ITGAL: variants seen among roughly 807,000 people sequenced by gnomAD.
The protein encoded by ITGAL is integrin subunit alpha L.
In ITGAL, 68 loss-of-function variants were observed where a neutral mutation model predicts 138.4. That is an observed-to-expected ratio of 0.49 (90% CI 0.40 to 0.60). The LOEUF (loss-of-function observed/expected upper bound fraction) is 0.60, where lower values mean the gene tolerates loss of function less well. Among genes scored for constraint, ITGAL ranks in the 20% least tolerant of loss-of-function variants. ITGAL has a pLI of 0.00. For missense variants in ITGAL, 1,256 were observed against 1,478.6 expected (o/e 0.85, Z 2.47); for synonymous variants, 561 against 584.3 (o/e 0.96, Z 0.57).
intron 22 of ITGAL, 122 bp downstream of exon 22, chr16:30,510,593 A>G: frequency 3.0e-6 from 2 of 663,656 alleles, no homozygotes; most frequent in Non-Finnish European, 5.4e-6. Context: ...CCTTGCCCCT[A>G]CCTAAGAGAA....
chr16:30,506,262 T>TTA (rs768200358), intron 20 of ITGAL, among the ~76,000 whole-genome samples: 1 of 111,356 alleles, frequency 9.0e-6, no homozygotes, highest in Non-Finnish European at 1.8e-5. Context: ...TCTGTCTCAA[T>TTA]AAAAAAAAAA....
intron 21 of ITGAL, among the ~76,000 whole-genome samples, chr16:30,508,989 C>T (rs2051048697): frequency 6.6e-6 from 1 of 152,004 alleles, no homozygotes; most frequent in Non-Finnish European, 1.5e-5. Context: ...CCAGACGGGG[C>T]AACATGGTGA....
At chr16:30,504,692 C>T (rs1305762763) in intron 18 of ITGAL, among the ~76,000 whole-genome samples, 1 of 147,944 alleles carries the variant, frequency 6.8e-6, no homozygotes, top group Non-Finnish European at 1.5e-5. Flanking sequence ...TAGGCAACAG[C>T]ACGAAACCCT....
chr16:30,506,939 G>A (rs982419270), intron 21 of ITGAL, 83 bp downstream of exon 21: 5 of 1,503,936 alleles, frequency 3.3e-6, no homozygotes, highest in Non-Finnish European at 4.6e-6. Context: ...AGCCAGGACA[G>A]CCTGAACACA....
intron 18 of ITGAL, 79 bp downstream of exon 18, chr16:30,504,343 A>G (rs2050951358): frequency 2.8e-6 from 3 of 1,068,612 alleles, no homozygotes; most frequent in Non-Finnish European, 4.4e-6. Context: ...ATGGCCGGGC[A>G]GCACACTCCT....
At chr16:30,497,973 A>G (rs1353542073) in intron 15 of ITGAL, among the ~76,000 whole-genome samples, 1 of 151,502 alleles carries the variant, frequency 6.6e-6, no homozygotes, top group African/African-American at 2.4e-5. Context: ...GGCCGGATGC[A>G]ATGACTCATG....
Position 30,494,743 on chromosome 16 carries a change from G to A in ITGAL, c.1396G>A (p.Gly466Ser). The A allele has an allele frequency of 6.2e-7, 1 of 1,612,706 alleles. No individual in the cohort carries two copies. Among genetic ancestry groups the A allele is most frequent in the Non-Finnish European group, 8.5e-7 (1 of 1,179,184 alleles). Residue 466 changes from glycine (G) to serine (S), a missense_variant, in exon 13 of 31, where the codon GGC becomes AGC. Around this residue, in one of 3 missense-constraint regions of ITGAL, gnomAD observed 867 missense variants for 972.5 expected, o/e 0.89. Transcript: ENST00000356798. This position sits in a 1 kb window ranked among gnomAD's most constrained non-coding sequence, Gnocchi z 4.2. ...CTCTTATTTCGGTGGGGAGCTGTGT[G>A]GCGTCGACGTGGACCAAGATGGGGA... ...IGSYFGGELC[G>S]VDVDQDGETE...
chr16:30,494,179 T>A lies in ITGAL; in HGVS notation c.1214-33T>A. 1 of 1,546,356 alleles carries A rather than the reference T, an allele frequency of 6.5e-7. No homozygotes were observed. Among genetic ancestry groups the A allele is most frequent in the Non-Finnish European group, 8.8e-7 (1 of 1,134,794 alleles). The stretch of plus-strand genomic sequence containing the variant: ...CTGGGTGTTCTTCCAGCATCCTGTG[T>A]TCCTAACTCCACACCCCACACACTT... On this transcript the variant is annotated intron_variant, in intron 11 of 30. Transcript: ENST00000356798. This position sits in a 1 kb window ranked among gnomAD's most constrained non-coding sequence, Gnocchi z 4.2.
chr16:30,521,810 T>A lies in ITGAL; in HGVS notation c.*145T>A. On this transcript the variant is annotated 3_prime_UTR_variant, in exon 31 of 31. Coordinates refer to ENST00000356798, the MANE Select transcript of ITGAL (RefSeq NM_002209.3). Reference sequence around the variant, plus strand: ...AGTTTCCCTATCTCGAACATGGAACTCATTCCTGCCTGTCTCCTTTGCAGG... The same window carrying A: ...AGTTTCCCTATCTCGAACATGGAACACATTCCTGCCTGTCTCCTTTGCAGG... 2.6e-6 allele frequency: 2 copies of A among 757,360 alleles called. No homozygotes were observed. The highest frequency in any genetic ancestry group is 4.2e-6 in the Non-Finnish European group (2 of 481,474). The allele number at this position is 757,360 out of a possible 1,614,324, so 46.9% of individuals were successfully genotyped here.
Position 30,505,251 on chromosome 16 carries a change from A to G in ITGAL, c.2243A>G (p.Lys748Arg). Residue 748 changes from lysine to arginine, a missense_variant, in exon 19 of 31, where the codon AAG (lysine) becomes AGG (arginine). Physicochemically the swap from Lys to Arg is conservative, Grantham distance 26 (BLOSUM62 2). Transcript: ENST00000356798. ...CCACTACCCCTCGCTCAGCAGGGCA[A>G]GGACATACCGCCCATCCTGAGACCC... Reference protein sequence around the residue: ...GTPRDQRAQGKDIPPILRPSL... With the variant: ...GTPRDQRAQGRDIPPILRPSL... 1 of 1,607,802 alleles carries G rather than the reference A, an allele frequency of 6.2e-7. No homozygotes were observed. The highest frequency in any genetic ancestry group is 1.1e-5 in the South Asian group (1 of 90,734).
chr16:30,500,766 A>G (rs1284010351), intron 17 of ITGAL, among the ~76,000 whole-genome samples: 1 of 152,092 alleles, frequency 6.6e-6, no homozygotes, highest in African/African-American at 2.4e-5. Context: ...GCACTTTGGG[A>G]GGCCAAGGTG....
chr16:30,497,938 T>C (rs927431924), intron 15 of ITGAL, among the ~76,000 whole-genome samples: 3 of 149,238 alleles, frequency 2.0e-5, no homozygotes, highest in Admixed American at 1.3e-4. Flanking sequence ...CAGAGTGAGA[T>C]CCTACCACAA....
chr16:30,507,679 G>T (rs1003606173), intron 21 of ITGAL, among the ~76,000 whole-genome samples: 4 of 150,922 alleles, frequency 2.7e-5, no homozygotes, highest in South Asian at 4.2e-4. Flanking sequence ...TAGAGAGAGG[G>T]TCTCACTATG....
intron 15 of ITGAL, among the ~76,000 whole-genome samples, chr16:30,498,020 G>A (rs1459726523): frequency 6.6e-6 from 1 of 151,800 alleles, no homozygotes; most frequent in South Asian, 2.1e-4. Flanking sequence ...GAGGTGGGTG[G>A]ATCATTTGAG....
chr16:30,500,972 C>A (rs1297356131), intron 17 of ITGAL, among the ~76,000 whole-genome samples: 1 of 151,560 alleles, frequency 6.6e-6, no homozygotes, highest in East Asian at 2.0e-4. Flanking sequence ...CCATTGCACT[C>A]CAGCCTGGGC....
At chr16:30,478,583 A>G (rs2151143288) in intron 4 of ITGAL, among the ~76,000 whole-genome samples, 1 of 150,732 alleles carries the variant, frequency 6.6e-6, no homozygotes, top group Middle Eastern at 3.4e-3. Flanking sequence ...CTGTAGTCCC[A>G]GCTACTCAGA....
rs532940083 is a variant in ITGAL, at chr16:30,494,796, A to G, written c.1449A>G (p.Pro483=). 6.2e-7 allele frequency: 1 copy of G among 1,613,076 alleles called. No individual in the cohort carries two copies. The highest frequency in any genetic ancestry group is 1.1e-5 in the South Asian group (1 of 90,990). Residue 483 remains proline (P), a synonymous_variant, in exon 13 of 31, where the codon CCA becomes CCG. Transcript: ENST00000356798. The surrounding 1 kb of genome is among the most constrained non-coding windows in gnomAD (Gnocchi z 4.2). ...CAGAGCTGCTGCTGATTGGTGCCCC[A>G]CTGTTCTATGGGGAGCAGAGAGGAG... ...GETELLLIGA[P]LFYGEQRGGR...
At chr16:30,504,423 C>A (rs2050952325) in intron 18 of ITGAL, among the ~76,000 whole-genome samples, 159 bp downstream of exon 18, 1 of 151,994 alleles carries the variant, frequency 6.6e-6, no homozygotes, top group African/African-American at 2.4e-5. Context: ...ACCAGCCTGG[C>A]CAACATGGTG....
intron 7 of ITGAL, among the ~76,000 whole-genome samples, chr16:30,483,536 G>C (rs1450535588): frequency 1.3e-5 from 2 of 152,196 alleles, no homozygotes; most frequent in Non-Finnish European, 2.9e-5. Flanking sequence ...GGTTGCAATG[G>C]AGGGTAGGAA....
Sources: allele counts gnomAD v4.1 joint callset (sites outside exome capture counted in the v4.1 genomes callset), GRCh38; gene constraint gnomAD v4.1.1; regional missense constraint gnomAD v4.1.1; non-coding constraint Gnocchi (gnomAD v3.1); transcripts MANE v1.5; gene names NCBI Gene and HGNC (gene_info 2026-07-23, HGNC 2026-07-21).